Variants in SLF1 observed in about 807,000 individuals in gnomAD.
SLF1 encodes the protein SMC5-SMC6 complex localization factor protein 1.
SLF1 carries 105 observed loss-of-function variants against 123.0 expected under a neutral mutation model. That is an observed-to-expected ratio of 0.85 (90% CI 0.73 to 1.00). The LOEUF (loss-of-function observed/expected upper bound fraction) is 1.00, where lower values mean the gene tolerates loss of function less well. SLF1 is among the 50% of genes least tolerant of loss of function. The pLI is 0.00. For synonymous variants in SLF1, 434 were observed against 406.6 expected, an observed-to-expected ratio of 1.07 and a Z score of -0.81; for missense variants, 1,239 against 1,223.0, an observed-to-expected ratio of 1.01 and a Z score of -0.20.
At chr5:94,660,023 C>T (rs1000790253) in intron 9 of SLF1, among the ~76,000 whole-genome samples, 10 of 152,146 alleles carry the variant, frequency 6.6e-5, no homozygotes, top group African/African-American at 2.2e-4. Context: ...TTGACATGCT[C>T]ATCCTTTGAT....
intron 15 of SLF1, among the ~76,000 whole-genome samples, chr5:94,685,462 G>A (rs916269947): frequency 6.6e-6 from 1 of 151,342 alleles, no homozygotes; most frequent in Non-Finnish European, 1.5e-5. Flanking sequence ...CTCTTGGTTG[G>A]TCTTATTTAT....
At chr5:94,677,731 A>C (rs528252683) in intron 14 of SLF1, among the ~76,000 whole-genome samples, 1 of 152,274 alleles carries the variant, frequency 6.6e-6, no homozygotes, top group African/African-American at 2.4e-5. Flanking sequence ...TTATATTTCA[A>C]TCAAAGGTGT....
rs376590839 is a variant in SLF1, at chr5:94,658,455, G to T, written c.1155+3703G>T. Among the ~76,000 whole-genome samples the T allele has an allele frequency of 8.0e-5, 12 of 150,658 alleles. No individual in the cohort carries two copies. In the South Asian group the frequency reaches 1.3e-3, roughly 16 times the overall value. ...TGTTGTTGTTGTTGTTGTTGTTGTT[G>T]TTTTTTCCTTTCAACACTATGAATG... On this transcript the variant is annotated intron_variant, in intron 9 of 20. Coordinates refer to ENST00000265140, the MANE Select transcript of SLF1 (RefSeq NM_032290.4).
chr5:94,670,380 C>T (rs1750304529), intron 13 of SLF1, 101 bp downstream of exon 13: 4 of 962,784 alleles, frequency 4.2e-6, no homozygotes, highest in Admixed American at 3.7e-5. Context: ...AAAAAGTCAC[C>T]TTATTTTCTA....
At position 94,647,706 on chromosome 5, in the gene SLF1, A is replaced by G. The variant is rs554034025; in HGVS notation, c.595-1748A>G. Among the ~76,000 whole-genome samples, 3 of 152,378 alleles carry G rather than the reference A, an allele frequency of 2.0e-5. No homozygotes were observed. In the East Asian group the frequency reaches 5.8e-4, roughly 29 times the overall value. On this transcript the variant is annotated intron_variant, in intron 5 of 20. Coordinates refer to ENST00000265140, the MANE Select transcript of SLF1 (RefSeq NM_032290.4). Reference sequence around the variant, plus strand: ...AATAAAAATGACTATTTATAGTTAAATAATTTCTCTATATTTCATAAGAGT... The same window carrying G: ...AATAAAAATGACTATTTATAGTTAAGTAATTTCTCTATATTTCATAAGAGT...
chr5:94,641,720 G>A (rs1746470637), intron 4 of SLF1, among the ~76,000 whole-genome samples: 1 of 152,148 alleles, frequency 6.6e-6, no homozygotes, highest in African/African-American at 2.4e-5. Context: ...TCGAGGGTGT[G>A]GGTAGATATA....
chr5:94,647,851 T>G (rs1339553978), intron 5 of SLF1, among the ~76,000 whole-genome samples: 1 of 152,218 alleles, frequency 6.6e-6, no homozygotes, highest in Non-Finnish European at 1.5e-5. Context: ...TGTATCAGGT[T>G]GTGATTTTTA....
chr5:94,659,864 C>G (rs1378112942), intron 9 of SLF1, among the ~76,000 whole-genome samples: 3 of 151,994 alleles, frequency 2.0e-5, no homozygotes, highest in African/African-American at 4.8e-5. Context: ...GTCCTCAGGT[C>G]TCTGGGTGGT....
intron 1 of SLF1, among the ~76,000 whole-genome samples, chr5:94,624,734 T>A (rs1056107228): frequency 6.6e-6 from 1 of 152,212 alleles, no homozygotes; most frequent in East Asian, 1.9e-4. Flanking sequence ...TTAACATTAG[T>A]TTTTATACGT....
intron 12 of SLF1, among the ~76,000 whole-genome samples, chr5:94,667,684 GTTA>G (rs1749954156): frequency 1.3e-5 from 2 of 152,136 alleles, no homozygotes; most frequent in Admixed American, 1.3e-4. Context: ...GTGTCCAATA[GTTA>G]TTTTCCATAT....
intron 4 of SLF1, among the ~76,000 whole-genome samples, chr5:94,639,573 T>A (rs1003663339): frequency 1.4e-4 from 22 of 152,188 alleles, no homozygotes; most frequent in Admixed American, 4.6e-4. Context: ...AATGTGGGAT[T>A]GGAGTGCTGA....
intron 12 of SLF1, among the ~76,000 whole-genome samples, chr5:94,668,129 T>C (rs541632308): frequency 1.3e-5 from 2 of 152,184 alleles, no homozygotes; most frequent in South Asian, 4.1e-4. Context: ...CTTTTCTTCC[T>C]TTCCCTTTTC....
intron 15 of SLF1, 139 bp from the exon 16 acceptor site, chr5:94,686,434 T>C: frequency 1.1e-6 from 1 of 900,206 alleles, no homozygotes; most frequent in Non-Finnish European, 1.7e-6. Flanking sequence ...CTATTTTTTG[T>C]GGATTAAAAT....
Position 94,670,936 on chromosome 5 carries a change from T to G in SLF1, c.1755T>G (p.Leu585=). Residue 585 remains leucine, a synonymous_variant, in exon 14 of 21, where the codon CTT becomes CTG. Transcript: ENST00000265140. ...IFWSGSETSG[L]LTKPVNMLLE... is the part of the protein sequence containing the mutation. ...GGTCAGGAAGTGAAACCTCTGGGCTTTTGACCAAACCAGTAAATATGCTTT... is the reference window on the plus strand; with the variant it reads ...GGTCAGGAAGTGAAACCTCTGGGCTGTTGACCAAACCAGTAAATATGCTTT... The G allele has an allele frequency of 6.5e-7, 1 of 1,550,082 alleles. No individual in the cohort carries two copies. Among genetic ancestry groups the G allele is most frequent in the Non-Finnish European group, 8.7e-7 (1 of 1,145,794 alleles).
intron 1 of SLF1, among the ~76,000 whole-genome samples, chr5:94,625,038 A>T (rs1792104843): frequency 6.6e-6 from 1 of 151,206 alleles, no homozygotes; most frequent in Admixed American, 6.6e-5. Context: ...GACAAAAAAT[A>T]AAAAAATTAG....
rs1745093266 is a variant in SLF1, at chr5:94,630,596, A to G, written c.284A>G (p.Glu95Gly). The G allele has an allele frequency of 1.9e-6, 3 of 1,551,588 alleles. No homozygotes were observed. The highest frequency in any genetic ancestry group is 2.7e-5 in the African/African-American group (2 of 73,064). Residue 95 changes from glutamate (E) to glycine (G), a missense_variant, in exon 4 of 21, where the codon GAA becomes GGA. Transcript: ENST00000265140. The stretch of plus-strand genomic sequence containing the variant: ...ACTTATGAATGGGGATATAAAATTG[A>G]AAAAGATTCCCGTTATTCACCTCAA... ...ETTYEWGYKI[E>G]KDSRYSPQMQ...
rs182264833 is a variant in SLF1, at chr5:94,643,519, G to A, written c.594+84G>A. On this transcript the variant is annotated intron_variant, in intron 5 of 20. Coordinates refer to ENST00000265140, the MANE Select transcript of SLF1 (RefSeq NM_032290.4). The stretch of plus-strand genomic sequence containing the variant: ...CCAACATAGTAAAATATATATTAAA[G>A]TTGTGTTCTAAATTTTGAAACTACA... 9.7e-3 allele frequency: 9,878 copies of A among 1,020,356 alleles called. 87 individuals are homozygous for A. The highest frequency in any genetic ancestry group is 0.021 in the South Asian group (653 of 31,598). 63.2% of individuals were successfully genotyped at this position (1,020,356 alleles called of 1,614,324 possible). A position where few individuals can be genotyped will look rare whatever the true frequency, so the allele number is the denominator to read the frequency against.
intron 8 of SLF1, among the ~76,000 whole-genome samples, chr5:94,654,359 C>T (rs1001633123): frequency 4.4e-5 from 6 of 135,150 alleles, no homozygotes; most frequent in African/African-American, 1.7e-4. Context: ...TAAGAAAGTA[C>T]ATATGTTGGC....
Position 94,663,758 on chromosome 5 carries a change from T to C in SLF1, c.1218T>C (p.Asn406=). Residue 406 remains asparagine (N), a synonymous_variant, in exon 11 of 21, where the codon AAT becomes AAC. Transcript: ENST00000265140. ...AATCTTTCCTTTCTTAGGTTAAAAA[T>C]GCTGAATTTCCCAGAGGTGTATTAA... is the stretch of plus-strand genomic sequence containing the variant. ...KQPVYNVEVK[N]AEFPRGVLNL... is the part of the protein sequence containing the mutation. 1 of 1,527,100 alleles carries C rather than the reference T, an allele frequency of 6.5e-7. No individual in the cohort carries two copies. The highest frequency in any genetic ancestry group is 8.8e-7 in the Non-Finnish European group (1 of 1,138,428). 94.6% of individuals were successfully genotyped at this position (1,527,100 alleles called of 1,614,324 possible).
Sources: gnomAD v4.1 joint callset for allele counts (sites outside exome capture counted in the v4.1 genomes callset) on GRCh38, gnomAD v4.1.1 for gene constraint, MANE v1.5 for transcripts, NCBI Gene and HGNC (gene_info 2026-07-23, HGNC 2026-07-21) for gene names.